Variants in SLC16A9 observed in about 807,000 individuals in gnomAD.
The protein encoded by SLC16A9 is solute carrier family 16 member 9, also known as monocarboxylate transporter 9.
In SLC16A9, 26 loss-of-function variants were observed where a neutral mutation model predicts 44.3. That is an observed-to-expected ratio of 0.59 (90% CI 0.43 to 0.81). The LOEUF is 0.81. Among genes scored for constraint, SLC16A9 ranks in the 40% least tolerant of loss-of-function variants. SLC16A9 has a pLI of 0.00. For missense variants in SLC16A9, 559 were observed against 595.8 expected (o/e 0.94, Z 0.64); for synonymous variants, 230 against 225.1 (o/e 1.02, Z -0.19).
chr10:59,694,082 C>T (rs1001142136), intron 1 of SLC16A9, among the ~76,000 whole-genome samples: 4 of 152,062 alleles, frequency 2.6e-5, no homozygotes, highest in Non-Finnish European at 5.9e-5. Context: ...GGACTACAGG[C>T]GCCCGCCACC....
intron 2 of SLC16A9, among the ~76,000 whole-genome samples, chr10:59,677,912 T>C (rs1352831697): frequency 6.6e-6 from 1 of 151,966 alleles, no homozygotes; most frequent in African/African-American, 2.4e-5. Context: ...ATACTTTAAG[T>C]TTTAGGGTAC....
At position 59,654,292 on chromosome 10, in the gene SLC16A9, C is replaced by A. The variant is rs1199502496; in HGVS notation, c.734G>T (p.Gly245Val). The change falls in exon 5 of 6, where the codon GGT becomes GTT. Residue 245 changes from glycine (G) to valine (V), a missense_variant. By Grantham distance (109) the Gly-to-Val change is moderately radical. Transcript: ENST00000395348. ...EEKCRITLAN[G>V]DWKQDSLLHK... ...AAGTAGGCTGTCTTGTTTCCAGTCA[C>A]CATTGGCTAACGTGATCCTGCATTT... is the stretch of plus-strand genomic sequence containing the variant. 1.2e-6 allele frequency: 2 copies of A among 1,614,178 alleles called. No individual in the cohort carries two copies. Among genetic ancestry groups the A allele is most frequent in the Non-Finnish European group, 1.7e-6 (2 of 1,180,032 alleles).
chr10:59,690,020 TAA>T, intron 1 of SLC16A9, among the ~76,000 whole-genome samples: 1 of 152,232 alleles, frequency 6.6e-6, no homozygotes, highest in African/African-American at 2.4e-5. Context: ...TGCAGCAAGA[TAA>T]AAGTGGTCTT....
chr10:59,699,838 A>G (rs1217976133), intron 1 of SLC16A9, among the ~76,000 whole-genome samples: 3 of 151,772 alleles, frequency 2.0e-5, no homozygotes, highest in African/African-American at 7.3e-5. Flanking sequence ...CTGCCATAAT[A>G]GGACATCTTC....
At chr10:59,671,539 C>A (rs1425702922) in intron 3 of SLC16A9, among the ~76,000 whole-genome samples, 1 of 152,162 alleles carries the variant, frequency 6.6e-6, no homozygotes, top group Non-Finnish European at 1.5e-5. Flanking sequence ...ATGGTCCTTT[C>A]CCCAGTCCCT....
intron 3 of SLC16A9, among the ~76,000 whole-genome samples, chr10:59,667,515 C>G (rs969794885): frequency 6.6e-6 from 1 of 152,216 alleles, no homozygotes; most frequent in Non-Finnish European, 1.5e-5. Flanking sequence ...ACGTTAACAT[C>G]TACTGGATTC....
chr10:59,674,451 A>G (rs1179060628), intron 2 of SLC16A9, among the ~76,000 whole-genome samples: 2 of 152,196 alleles, frequency 1.3e-5, no homozygotes, highest in African/African-American at 4.8e-5. Flanking sequence ...TGTGTGAGTC[A>G]GCGCAGAAGA....
chr10:59,675,586 A>G (rs922582274), intron 2 of SLC16A9, among the ~76,000 whole-genome samples: 1 of 152,222 alleles, frequency 6.6e-6, no homozygotes, highest in Non-Finnish European at 1.5e-5. Context: ...ATAAGATCTC[A>G]GGAGTTGGAC....
chr10:59,703,992 A>G (rs961285856), intron 1 of SLC16A9, among the ~76,000 whole-genome samples: 1 of 152,116 alleles, frequency 6.6e-6, no homozygotes, highest in African/African-American at 2.4e-5. Context: ...AAGTGCTGGG[A>G]TGACAGGCGT....
At chr10:59,663,770 T>G (rs550454059) in intron 4 of SLC16A9, among the ~76,000 whole-genome samples, 2 of 151,900 alleles carry the variant, frequency 1.3e-5, no homozygotes, top group Admixed American at 1.3e-4. Flanking sequence ...TAATAAATAA[T>G]AAATAACGAG....
chr10:59,681,184 C>T (rs905875039), intron 2 of SLC16A9, among the ~76,000 whole-genome samples: 1 of 152,038 alleles, frequency 6.6e-6, no homozygotes, highest in Non-Finnish European at 1.5e-5. Context: ...TTCCAAGGTA[C>T]TAATGATCCA....
chr10:59,707,634 G>A (rs1840676432), intron 1 of SLC16A9, among the ~76,000 whole-genome samples: 1 of 150,356 alleles, frequency 6.7e-6, no homozygotes, highest in Admixed American at 6.6e-5. Context: ...ATACATATAG[G>A]TTAATTATGT....
rs1840082398 is a variant in SLC16A9 at position 59,684,190 on chromosome 10, T to TC, written c.101dup (p.Val35SerfsTer12). The TC allele has an allele frequency of 3.1e-6, 5 of 1,614,096 alleles. No individual in the cohort carries two copies. The East Asian group carries it at 8.9e-5, about 29-fold the overall frequency. Reference sequence around the variant, plus strand: ...CATCCAGCCATTCTATGTACAGGACTCCAACAGCTAGTGGGGATCCGTAAC... The same window carrying TC: ...CATCCAGCCATTCTATGTACAGGACTCCCAACAGCTAGTGGGGATCCGTAAC... On this transcript the variant is annotated frameshift_variant, in exon 2 of 6. Coordinates refer to ENST00000395348, the MANE Select transcript of SLC16A9 (RefSeq NM_194298.3). LOFTEE classifies it high-confidence loss of function.
intron 3 of SLC16A9, among the ~76,000 whole-genome samples, chr10:59,669,272 A>G (rs982572695): frequency 1.6e-4 from 25 of 152,178 alleles, no homozygotes; most frequent in Non-Finnish European, 1.9e-4. Context: ...CCTAATTTTC[A>G]TCTCTCACTG....
At chr10:59,685,415 T>C (rs746228) in intron 1 of SLC16A9, among the ~76,000 whole-genome samples, 53,700 of 152,150 alleles carry the variant, frequency 0.35, 10,303 homozygotes, top group Middle Eastern at 0.44. Context: ...TTGTTTCTTG[T>C]ATAGCCTTCT....
At chr10:59,660,640 CTA>C (rs1236039065) in intron 4 of SLC16A9, among the ~76,000 whole-genome samples, 2 of 152,174 alleles carry the variant, frequency 1.3e-5, no homozygotes, top group Non-Finnish European at 2.9e-5. Context: ...GGACTCCTCC[CTA>C]ACTCATTGTA....
chr10:59,653,035 A>G lies in SLC16A9; in HGVS notation c.1352-85T>C, dbSNP rs994251154. On this transcript the variant is annotated intron_variant, in intron 5 of 5. Coordinates refer to ENST00000395348, the MANE Select transcript of SLC16A9 (RefSeq NM_194298.3). ...TACCCTAATTATATCAGTTTTATAT[A>G]TAGTTATAATTAGTATATATATTAC... 14 of 1,021,002 alleles carry G rather than the reference A, an allele frequency of 1.4e-5. No homozygotes were observed. In the African/African-American group the frequency reaches 1.7e-4, roughly 12 times the overall value. The allele number at this position is 1,021,002 out of a possible 1,614,324, so 63.2% of individuals were successfully genotyped here.
intron 1 of SLC16A9, among the ~76,000 whole-genome samples, chr10:59,697,628 CAG>C (rs1008790523): frequency 6.7e-6 from 1 of 149,102 alleles, no homozygotes; most frequent in Non-Finnish European, 1.5e-5. Context: ...CTAGGAAAAC[CAG>C]AGACCTTTGT....
chr10:59,690,988 G>A (rs1840241251), intron 1 of SLC16A9, among the ~76,000 whole-genome samples: 1 of 152,156 alleles, frequency 6.6e-6, no homozygotes, highest in Admixed American at 6.5e-5. Flanking sequence ...AGGAGGCTGA[G>A]GCTGGAGAAT....
Sources: allele counts gnomAD v4.1 joint callset (sites outside exome capture counted in the v4.1 genomes callset), GRCh38; gene constraint gnomAD v4.1.1; transcripts MANE v1.5; gene names NCBI Gene and HGNC (gene_info 2026-07-23, HGNC 2026-07-21).